PLD5: variants seen among roughly 807,000 people sequenced by gnomAD.
PLD5 encodes the protein phospholipase D family member 5.
PLD5 carries 36 observed loss-of-function variants against 61.1 expected under a neutral mutation model. The observed-to-expected ratio is 0.59, with a 90% CI of 0.45 to 0.78. The LOEUF (loss-of-function observed/expected upper bound fraction) is 0.78. PLD5 is among the 30% of genes least tolerant of loss of function. The pLI is 0.00. For synonymous variants in PLD5, 243 were observed against 242.8 expected (o/e 1.00, Z -0.01); for missense variants, 515 against 644.4 (o/e 0.80, Z 2.17).
chr1:242,257,956 A>T (rs935098931), intron 4 of PLD5, among the ~76,000 whole-genome samples: 1 of 152,088 alleles, frequency 6.6e-6, no homozygotes. Flanking sequence ...TTTTAGAACC[A>T]AGCTCTCATG....
intron 5 of PLD5, among the ~76,000 whole-genome samples, chr1:242,181,631 C>T (rs998099958): frequency 6.6e-6 from 1 of 151,576 alleles, no homozygotes; most frequent in Non-Finnish European, 1.5e-5. Flanking sequence ...GTACCACTGA[C>T]TGCTTGTAAA....
At chr1:242,219,921 G>T in intron 5 of PLD5, 67 bp downstream of exon 5, 1 of 1,563,642 alleles carries the variant, frequency 6.4e-7, no homozygotes, top group Non-Finnish European at 8.8e-7. Context: ...CTGCAGTAGC[G>T]TGCTTTATGA....
In PLD5 at chr1:242,202,313, C is replaced by T. The variant is rs148235435; in HGVS notation, c.735+17675G>A. ...TCCCTAAGTGGGGAAGTAGAGGGGT[C>T]CTCATTCCTCCCTGACATGTGCTGA... On this transcript the variant is annotated intron_variant, in intron 5 of 9. Transcript: ENST00000536534. 1.7e-3 allele frequency among the ~76,000 whole-genome samples: 262 copies of T among 152,190 alleles called. 4 individuals carry two copies. Among genetic ancestry groups the T allele is most frequent in the African/African-American group, 5.3e-3 (220 of 41,508 alleles).
Position 242,173,549 on chromosome 1 carries a change from A to G in PLD5, c.735+46439T>C, listed in dbSNP as rs1487078256. On this transcript the variant is annotated intron_variant, in intron 5 of 9. Coordinates refer to ENST00000536534, the MANE Select transcript of PLD5 (RefSeq NM_001372062.1). Reference sequence around the variant, plus strand: ...TTTCTTCACAGAATTGGAAAAAATTAAAGTTCATATGGAACCAAAAAAGAG... The same window carrying G: ...TTTCTTCACAGAATTGGAAAAAATTGAAGTTCATATGGAACCAAAAAAGAG... 2.0e-5 allele frequency among the ~76,000 whole-genome samples: 3 copies of G among 152,162 alleles called. No homozygotes were observed. In the East Asian group the frequency reaches 5.8e-4, roughly 29 times the overall value.
At chr1:242,121,055 T>G (rs1662320563) in intron 6 of PLD5, among the ~76,000 whole-genome samples, 1 of 152,218 alleles carries the variant, frequency 6.6e-6, no homozygotes, top group South Asian at 2.1e-4. Context: ...CTTGAGACAA[T>G]CAGCTTATAA....
upstream of PLD5, among the ~76,000 whole-genome samples, chr1:242,529,574 T>C (rs1163369438): frequency 1.3e-5 from 2 of 152,098 alleles, no homozygotes; most frequent in African/African-American, 4.8e-5. Context: ...TCTAAATGCC[T>C]TTACACAACA....
chr1:242,121,290 C>G (rs1662342194), intron 6 of PLD5, among the ~76,000 whole-genome samples: 1 of 151,916 alleles, frequency 6.6e-6, no homozygotes, highest in African/African-American at 2.4e-5. Context: ...TCTTCAGAGT[C>G]TAATAAAATG....
At chr1:242,290,171 T>C (rs1368123743) in intron 2 of PLD5, among the ~76,000 whole-genome samples, 1 of 146,100 alleles carries the variant, frequency 6.8e-6, no homozygotes, top group Admixed American at 7.1e-5. Context: ...TAGACTCTAA[T>C]AAATGGTGAA....
intron 3 of PLD5, among the ~76,000 whole-genome samples, chr1:242,286,110 A>AAAAATAAAAT (rs770875387): frequency 6.6e-6 from 1 of 152,144 alleles, no homozygotes; most frequent in Non-Finnish European, 1.5e-5. Context: ...CTCTGTCTCC[A>AAAAATAAAAT]AAAATAAAAT....
At chr1:242,314,582 C>T (rs1181964555) in intron 2 of PLD5, among the ~76,000 whole-genome samples, 5 of 152,164 alleles carry the variant, frequency 3.3e-5, no homozygotes, top group Non-Finnish European at 7.3e-5. Flanking sequence ...CAGACTAACT[C>T]TCTTCCTATC....
At chr1:242,140,428 G>T (rs1177195509) in intron 5 of PLD5, among the ~76,000 whole-genome samples, 1 of 130,714 alleles carries the variant, frequency 7.7e-6, no homozygotes, top group Non-Finnish European at 1.6e-5. Flanking sequence ...TGGATCACTT[G>T]AGTCCAGGAG....
At position 242,414,792 on chromosome 1, in the gene PLD5, G is replaced by A. The variant is rs539928556; in HGVS notation, c.190-66550C>T. Among the ~76,000 whole-genome samples, 120 of 152,166 alleles carry A rather than the reference G, an allele frequency of 7.9e-4. 1 individual carries two copies. The highest frequency in any genetic ancestry group is 2.0e-3 in the African/African-American group (83 of 41,522). ...GATGAATTTAATTACATAGAAATAA[G>A]ACTAAAAAGCTATTGTTGGCAAAAG... On this transcript the variant is annotated intron_variant, in intron 1 of 9. Coordinates refer to ENST00000536534, the MANE Select transcript of PLD5 (RefSeq NM_001372062.1).
intron 2 of PLD5, among the ~76,000 whole-genome samples, chr1:242,304,449 C>T (rs1445265508): frequency 1.3e-5 from 2 of 152,166 alleles, no homozygotes; most frequent in Non-Finnish European, 2.9e-5. Flanking sequence ...CTGAATATGG[C>T]TTAAGTTTCT....
chr1:242,444,060 A>G (rs1208341334), intron 1 of PLD5, among the ~76,000 whole-genome samples: 1 of 152,126 alleles, frequency 6.6e-6, no homozygotes, highest in East Asian at 1.9e-4. Flanking sequence ...CAGAACTCAT[A>G]TTTGCTTATT....
chr1:242,396,811 C>T (rs568718078), intron 1 of PLD5, among the ~76,000 whole-genome samples: 1 of 151,890 alleles, frequency 6.6e-6, no homozygotes, highest in Non-Finnish European at 1.5e-5. Context: ...CTCCTAGTTG[C>T]TGGGACTACA....
At chr1:242,181,694 C>T (rs927796260) in intron 5 of PLD5, among the ~76,000 whole-genome samples, 2 of 152,002 alleles carry the variant, frequency 1.3e-5, no homozygotes, top group East Asian at 1.9e-4. Flanking sequence ...GACAGAGTCT[C>T]ACTCTGTCAC....
chr1:242,317,062 C>T (rs556946155), intron 2 of PLD5, among the ~76,000 whole-genome samples: 1 of 151,104 alleles, frequency 6.6e-6, no homozygotes, highest in South Asian at 2.1e-4. Context: ...GTCTGGAGTG[C>T]AATGATGCAA....
intron 2 of PLD5, among the ~76,000 whole-genome samples, chr1:242,290,426 T>C (rs1675290262): frequency 6.6e-6 from 1 of 151,994 alleles, no homozygotes; most frequent in South Asian, 2.1e-4. Context: ...AGTAGGAAAG[T>C]TACGGTAGGA....
chr1:242,269,991 C>T (rs1288471378), intron 3 of PLD5, among the ~76,000 whole-genome samples: 3 of 152,148 alleles, frequency 2.0e-5, no homozygotes, highest in African/African-American at 7.2e-5. Flanking sequence ...CTGCTTACTT[C>T]TGTTGACCCA....
Sources: gnomAD v4.1 joint callset for allele counts (sites outside exome capture counted in the v4.1 genomes callset) on GRCh38, gnomAD v4.1.1 for gene constraint, MANE v1.5 for transcripts, NCBI Gene and HGNC (gene_info 2026-07-23, HGNC 2026-07-21) for gene names.